ACTN2: variants seen among roughly 807,000 people sequenced by gnomAD.
The protein encoded by ACTN2 is alpha-actinin-2.
ACTN2 carries 39 observed loss-of-function variants against 113.8 expected under a neutral mutation model. The observed-to-expected ratio is 0.34, with a 90% CI of 0.27 to 0.45. ACTN2 has a LOEUF of 0.45. Among genes scored for constraint, ACTN2 ranks in the 20% least tolerant of loss-of-function variants. The probability of loss-of-function intolerance (pLI) is 1.00; values close to 1 mark genes in which losing one functional copy is unlikely to be tolerated. For missense variants in ACTN2, 992 were observed against 1,177.9 expected, an observed-to-expected ratio of 0.84 and a Z score of 2.31; for synonymous variants, 429 against 444.1, an observed-to-expected ratio of 0.97 and a Z score of 0.43.
chr1:236,727,601 ATCTG>A, intron 5 of ACTN2, 73 bp from the exon 6 acceptor site: 1 of 1,494,764 alleles, frequency 6.7e-7, no homozygotes, highest in Non-Finnish European at 9.3e-7. Context: ...GAAGGCCAAC[ATCTG>A]ACTGAGTGCA....
intron 1 of ACTN2, among the ~76,000 whole-genome samples, chr1:236,694,650 T>C (rs375810733): frequency 1.9e-4 from 29 of 152,366 alleles, no homozygotes; most frequent in African/African-American, 6.0e-4. Flanking sequence ...TTTATGACTT[T>C]TTGAGCTCTG....
At chr1:236,718,343 G>A (rs1269747279) in intron 2 of ACTN2, among the ~76,000 whole-genome samples, 1 of 152,198 alleles carries the variant, frequency 6.6e-6, no homozygotes, top group Admixed American at 6.5e-5. Flanking sequence ...GCAGAACTCT[G>A]AACATATAAG....
chr1:236,749,130 G>C lies in ACTN2; in HGVS notation c.1522G>C (p.Glu508Gln). The change falls in exon 14 of 21, where the codon GAG becomes CAG. Residue 508 changes from glutamate to glutamine, a missense_variant. Coordinates refer to ENST00000366578, the MANE Select transcript of ACTN2 (RefSeq NM_001103.4). Reference sequence around the variant, plus strand: ...GCTTCTCTTTATTCTTTAGAGAATGGAGAAATTGCTAGAAACCATTGATCA... The same window carrying C: ...GCTTCTCTTTATTCTTTAGAGAATGCAGAAATTGCTAGAAACCATTGATCA... Reference protein sequence around the residue: ...QKRREALERMEKLLETIDQLH... With the variant: ...QKRREALERMQKLLETIDQLH... The C allele has an allele frequency of 6.2e-7, 1 of 1,614,154 alleles. No homozygotes were observed. The highest frequency in any genetic ancestry group is 2.2e-5 in the East Asian group (1 of 44,872).
intron 20 of ACTN2, among the ~76,000 whole-genome samples, chr1:236,762,245 A>G (rs766029274): frequency 6.6e-6 from 1 of 152,170 alleles, no homozygotes; most frequent in Admixed American, 6.6e-5. Flanking sequence ...TTTATGAAGC[A>G]TATCACCCTT....
intron 7 of ACTN2, among the ~76,000 whole-genome samples, chr1:236,735,180 G>C (rs1658830610): frequency 6.6e-6 from 1 of 152,176 alleles, no homozygotes; most frequent in Non-Finnish European, 1.5e-5. Flanking sequence ...TGGGGAAGGG[G>C]AAGTGGGAAG....
chr1:236,747,657 C>G lies in ACTN2; in HGVS notation c.1407-10C>G. ...GAAAGTTAATCTTTATTTATTTTCA[C>G]TTTTAATAGTGAACTGGACTATCAC... is the stretch of plus-strand genomic sequence containing the variant. On this transcript the variant is annotated splice_polypyrimidine_tract_variant and intron_variant, in intron 12 of 20. Coordinates refer to ENST00000366578, the MANE Select transcript of ACTN2 (RefSeq NM_001103.4). 1.9e-6 allele frequency: 3 copies of G among 1,611,166 alleles called. No homozygotes were observed. The highest frequency in any genetic ancestry group is 2.5e-6 in the Non-Finnish European group (3 of 1,177,622).
chr1:236,745,574 CT>C (rs766166926), intron 12 of ACTN2, among the ~76,000 whole-genome samples: 2 of 152,182 alleles, frequency 1.3e-5, no homozygotes, highest in African/African-American at 2.4e-5. Context: ...ATGGGAAGAA[CT>C]GACACGACAT....
chr1:236,724,097 C>T (rs1658476812), intron 4 of ACTN2, among the ~76,000 whole-genome samples: 1 of 142,586 alleles, frequency 7.0e-6, no homozygotes, highest in Non-Finnish European at 1.5e-5. Flanking sequence ...GCTGGAAGTC[C>T]AAAATCAGAG....
At position 236,733,631 on chromosome 1, in the gene ACTN2, G is replaced by A. The variant is rs147413632; in HGVS notation, c.698-2004G>A. ...AACTTGGCCACCTAGCGTGTAGAGC[G>A]TGCGGTGGCATCACTGCCTAACAGA... is the stretch of plus-strand genomic sequence containing the variant. On this transcript the variant is annotated intron_variant, in intron 7 of 20. Coordinates refer to ENST00000366578, the MANE Select transcript of ACTN2 (RefSeq NM_001103.4). Among the ~76,000 whole-genome samples the A allele has an allele frequency of 3.7e-3, 520 of 139,014 alleles. 2 individuals carry two copies. Among genetic ancestry groups the A allele is most frequent in the African/African-American group, 0.012 (456 of 37,420 alleles). 91.2% of individuals were successfully genotyped at this position (139,014 alleles called of 152,430 possible). A position where few individuals can be genotyped will look rare whatever the true frequency, so the allele number is the denominator to read the frequency against.
intron 1 of ACTN2, among the ~76,000 whole-genome samples, chr1:236,717,569 A>G (rs570060489): frequency 1.3e-5 from 2 of 152,338 alleles, no homozygotes; most frequent in East Asian, 3.9e-4. Context: ...AAGGGTTTCA[A>G]AAGGTGAAGA....
chr1:236,755,952 CGTT>C (rs1659546263), intron 17 of ACTN2, among the ~76,000 whole-genome samples: 2 of 20,428 alleles, frequency 9.8e-5, no homozygotes, highest in African/African-American at 4.8e-4. Flanking sequence ...CCGCTGCCAC[CGTT>C]AGAACCCTGG....
In ACTN2 at chr1:236,737,213, A is replaced by C; in HGVS notation, c.875A>C (p.Glu292Ala). The change falls in exon 9 of 21, where the codon GAG becomes GCG. Residue 292 changes from glutamate (E) to alanine (A), a missense_variant and splice_region_variant. Physicochemically the swap from Glu to Ala is moderately radical, Grantham distance 107. This residue lies in a region of ACTN2 where 736 missense variants were observed against 815.4 expected (regional missense o/e 0.90). Coordinates refer to ENST00000366578, the MANE Select transcript of ACTN2 (RefSeq NM_001103.4). ...LMEEYERLASELLEWIRRTIP... is the reference protein window; with the variant it reads ...LMEEYERLASALLEWIRRTIP... ...GAAGAATATGAGAGGCTAGCGAGTG[A>C]GGTAAAGGAAACTGGTGACCTGCAG... 6.3e-7 allele frequency: 1 copy of C among 1,584,228 alleles called. No individual in the cohort carries two copies. Among genetic ancestry groups the C allele is most frequent in the Non-Finnish European group, 8.6e-7 (1 of 1,160,830 alleles).
At chr1:236,735,610 C>G (rs761036365) in intron 7 of ACTN2, 25 bp from the exon 8 acceptor site, 23 of 1,592,918 alleles carry the variant, frequency 1.4e-5, no homozygotes, top group Non-Finnish European at 2.0e-5. Context: ...GTGCGCGCGT[C>G]CTGTGTTATT....
chr1:236,760,882 T>C, intron 19 of ACTN2, 133 bp from the exon 20 acceptor site: 7 of 1,177,778 alleles, frequency 5.9e-6, no homozygotes, highest in Non-Finnish European at 8.8e-6. Context: ...GTCCAAAGAC[T>C]GAAGGGAAAC....
At chr1:236,751,433 G>A (rs1475920856) in intron 14 of ACTN2, 37 bp from the exon 15 acceptor site, 1 of 1,611,614 alleles carries the variant, frequency 6.2e-7, no homozygotes, top group Non-Finnish European at 8.5e-7. Context: ...TAACACTCAA[G>A]CCACATTGTT....
At chr1:236,757,666 G>A (rs747252838) in intron 18 of ACTN2, 34 bp downstream of exon 18, 20 of 1,613,106 alleles carry the variant, frequency 1.2e-5, no homozygotes, top group Middle Eastern at 1.6e-4. Flanking sequence ...GGGCAATACT[G>A]GGGACATTAA....
intron 7 of ACTN2, chr1:236,734,416 T>G: frequency 6.6e-7 from 1 of 1,524,364 alleles, no homozygotes; most frequent in Non-Finnish European, 8.8e-7. Flanking sequence ...GCGGTTAACC[T>G]TCTTTTCTCC....
At chr1:236,714,984 G>C (rs866439168) in intron 1 of ACTN2, among the ~76,000 whole-genome samples, 16 of 126,808 alleles carry the variant, frequency 1.3e-4, no homozygotes, top group African/African-American at 4.5e-4. Context: ...GCAAGAGACT[G>C]ATAGCTTCAT....
intron 1 of ACTN2, among the ~76,000 whole-genome samples, chr1:236,711,724 G>A (rs886542618): frequency 6.6e-6 from 1 of 152,136 alleles, no homozygotes; most frequent in Non-Finnish European, 1.5e-5. Context: ...TTCTTTTTGT[G>A]GCTCTGAAAC....
Sources: gnomAD v4.1 joint callset for allele counts (sites outside exome capture counted in the v4.1 genomes callset) on GRCh38, gnomAD v4.1.1 for gene constraint, gnomAD v4.1.1 regional missense constraint, MANE v1.5 for transcripts, NCBI Gene and HGNC (gene_info 2026-07-23, HGNC 2026-07-21) for gene names.